CNOT10: variants seen among roughly 807,000 people sequenced by gnomAD.
CNOT10 encodes CCR4-NOT transcription complex subunit 10.
A neutral mutation model predicts 94.6 loss-of-function variants in CNOT10; 30 were observed. The observed-to-expected ratio is 0.32, with a 90% confidence interval of 0.24 to 0.43. The LOEUF is 0.43. Ranked by LOEUF, CNOT10 falls within the 20% of genes least tolerant of loss-of-function variation. CNOT10 has a pLI of 1.00. For missense variants in CNOT10, 759 were observed against 877.2 expected (o/e 0.87, Z 1.70); for synonymous variants, 289 against 301.6 (o/e 0.96, Z 0.43).
chr3:32,725,765 G>GAA (rs1698638683), intron 9 of CNOT10, among the ~76,000 whole-genome samples, 166 bp downstream of exon 9: 1 of 152,176 alleles, frequency 6.6e-6, no homozygotes, highest in African/African-American at 2.4e-5. Context: ...TTGCTACTTT[G>GAA]AAGAGCAATA....
chr3:32,724,987 TA>T (rs1230804944), intron 8 of CNOT10, among the ~76,000 whole-genome samples: 1 of 152,274 alleles, frequency 6.6e-6, no homozygotes, highest in African/African-American at 2.4e-5. Flanking sequence ...ATATACATTA[TA>T]TTACTGATAA....
At chr3:32,767,962 T>C (rs1388421397) in intron 17 of CNOT10, among the ~76,000 whole-genome samples, 1 of 151,868 alleles carries the variant, frequency 6.6e-6, no homozygotes, top group Non-Finnish European at 1.5e-5. Context: ...TCAGGCCTGG[T>C]TTGGGGTCTG....
chr3:32,730,473 T>G (rs533943985), intron 10 of CNOT10, among the ~76,000 whole-genome samples: 46 of 152,224 alleles, frequency 3.0e-4, no homozygotes, highest in Non-Finnish European at 5.4e-4. Flanking sequence ...ACACACAATT[T>G]GTGCTGCTAA....
chr3:32,713,669 C>T lies in CNOT10; in HGVS notation c.573+300C>T, dbSNP rs1559486672. Among the ~76,000 whole-genome samples, 5 of 152,306 alleles carry T rather than the reference C, an allele frequency of 3.3e-5. No homozygotes were observed. In the East Asian group the frequency reaches 9.6e-4, roughly 29 times the overall value. On this transcript the variant is annotated intron_variant, in intron 5 of 18. Coordinates refer to ENST00000328834, the MANE Select transcript of CNOT10 (RefSeq NM_015442.3). ...GCAGTCACTCCCCATTTCCCCCTTT[C>T]CTCAGCCCCAAGCAGCCGTTAATCT...
At position 32,712,005 on chromosome 3, in the gene CNOT10, T is replaced by C. The variant is rs566994381; in HGVS notation, c.431-1222T>C. ...CCTTATTTTTCCTTTTATCTTCTTTTTTGAAAGGAAAGATAGTTTTATGTC... is the reference window on the plus strand; with the variant it reads ...CCTTATTTTTCCTTTTATCTTCTTTCTTGAAAGGAAAGATAGTTTTATGTC... On this transcript the variant is annotated intron_variant, in intron 4 of 18. Transcript: ENST00000328834. 1.0e-3 allele frequency among the ~76,000 whole-genome samples: 153 copies of C among 152,104 alleles called. 1 individual carries two copies. The highest frequency in any genetic ancestry group is 6.8e-3 in the Middle Eastern group (2 of 294).
In CNOT10 at chr3:32,773,664, C is replaced by A; in HGVS notation, c.*53C>A. 6.5e-7 allele frequency: 1 copy of A among 1,531,014 alleles called. No homozygotes were observed. The highest frequency in any genetic ancestry group is 8.9e-7 in the Non-Finnish European group (1 of 1,128,142). The allele number at this position is 1,531,014 out of a possible 1,614,324, so 94.8% of individuals were successfully genotyped here. The stretch of plus-strand genomic sequence containing the variant: ...GAGACCCAGGGGAGAATTTACTGGC[C>A]ATTTTAGTTGTATCACAGCAGAATG... On this transcript the variant is annotated 3_prime_UTR_variant, in exon 19 of 19. Transcript: ENST00000328834.
chr3:32,733,739 A>G (rs1699058265), intron 11 of CNOT10, among the ~76,000 whole-genome samples, 195 bp downstream of exon 11: 1 of 152,142 alleles, frequency 6.6e-6, no homozygotes, highest in Admixed American at 6.5e-5. Context: ...ATTTTGGTTT[A>G]TTACATCCAT....
Position 32,717,237 on chromosome 3 carries a change from T to TCCA in CNOT10, c.744_744+1insCCA (p.Asn248_Ser249insPro). 1.9e-6 allele frequency: 3 copies of TCCA among 1,588,270 alleles called. No individual in the cohort carries two copies. The highest frequency in any genetic ancestry group is 2.6e-6 in the Non-Finnish European group (3 of 1,160,736). On this transcript the variant is annotated inframe_insertion and splice_region_variant. Transcript: ENST00000328834. Reference sequence around the variant, plus strand: ...AGTCAGTCATGAATACAGCTGGAAATGTAAGTTTCTTCTGGACTTTTGTTT... The same window carrying TCCA: ...AGTCAGTCATGAATACAGCTGGAAATCCAGTAAGTTTCTTCTGGACTTTTGTTT...
At chr3:32,719,699 C>T (rs1173561871) in intron 7 of CNOT10, among the ~76,000 whole-genome samples, 1 of 151,936 alleles carries the variant, frequency 6.6e-6, no homozygotes, top group Non-Finnish European at 1.5e-5. Flanking sequence ...TTATTTATAT[C>T]TCTGTAGGTT....
chr3:32,702,962 A>G (rs1344737191), intron 1 of CNOT10, among the ~76,000 whole-genome samples: 35 of 147,682 alleles, frequency 2.4e-4, no homozygotes, highest in African/African-American at 8.0e-4. Context: ...CCCCGGCTGG[A>G]GTGCAGTGGC....
intron 1 of CNOT10, among the ~76,000 whole-genome samples, chr3:32,692,424 CTT>C (rs1484196002): frequency 6.6e-6 from 1 of 152,136 alleles, no homozygotes; most frequent in Admixed American, 6.5e-5. Context: ...TAAACTCTAA[CTT>C]ATTTCTACAG....
chr3:32,693,179 C>G (rs1696919042), intron 1 of CNOT10, among the ~76,000 whole-genome samples: 1 of 152,050 alleles, frequency 6.6e-6, no homozygotes, highest in Admixed American at 6.6e-5. Flanking sequence ...TGGTAGTGAC[C>G]TATGTTTGAT....
chr3:32,756,692 AC>A (rs971181334), intron 13 of CNOT10, among the ~76,000 whole-genome samples: 1 of 152,230 alleles, frequency 6.6e-6, no homozygotes, highest in Non-Finnish European at 1.5e-5. Context: ...TTTAACAAAT[AC>A]TTATTAAGCA....
At chr3:32,696,570 G>A (rs1305504688) in intron 1 of CNOT10, among the ~76,000 whole-genome samples, 1 of 152,282 alleles carries the variant, frequency 6.6e-6, no homozygotes, top group African/African-American at 2.4e-5. Flanking sequence ...GCTCTTGTCA[G>A]CCTTAGAGTC....
At chr3:32,726,427 G>C (rs971546619) in intron 9 of CNOT10, among the ~76,000 whole-genome samples, 1 of 152,006 alleles carries the variant, frequency 6.6e-6, no homozygotes, top group Non-Finnish European at 1.5e-5. Flanking sequence ...AGGGGCGGTG[G>C]CTCACGCCTG....
At chr3:32,700,188 C>T (rs1697272199) in intron 1 of CNOT10, among the ~76,000 whole-genome samples, 1 of 152,040 alleles carries the variant, frequency 6.6e-6, no homozygotes, top group Admixed American at 6.6e-5. Flanking sequence ...GTTGTCCAGG[C>T]TGGTCTTGAA....
intron 14 of CNOT10, among the ~76,000 whole-genome samples, chr3:32,762,224 G>A (rs1036264060): frequency 3.4e-5 from 5 of 149,046 alleles, no homozygotes; most frequent in African/African-American, 1.2e-4. Flanking sequence ...AACACTTTGG[G>A]AGGCCAAGAC....
chr3:32,748,314 T>C (rs1257551448), intron 13 of CNOT10, among the ~76,000 whole-genome samples: 1 of 152,236 alleles, frequency 6.6e-6, no homozygotes, highest in Non-Finnish European at 1.5e-5. Flanking sequence ...ATTATTTCTC[T>C]TTAGAAAATT....
chr3:32,763,144 A>G (rs560956711), intron 15 of CNOT10, among the ~76,000 whole-genome samples: 4 of 152,256 alleles, frequency 2.6e-5, no homozygotes, highest in Non-Finnish European at 5.9e-5. Flanking sequence ...GAGTGATTCT[A>G]AAATCCATAG....
Sources: gnomAD v4.1 joint callset for allele counts (sites outside exome capture counted in the v4.1 genomes callset) on GRCh38, gnomAD v4.1.1 for gene constraint, MANE v1.5 for transcripts, NCBI Gene and HGNC (gene_info 2026-07-23, HGNC 2026-07-21) for gene names.